The following ARHGAP42 variants were observed in gnomAD, a reference collection of about 807,000 sequenced individuals.
ARHGAP42 encodes rho GTPase-activating protein 42.
In ARHGAP42, 63 loss-of-function variants were observed where a neutral mutation model predicts 125.0. That is an observed-to-expected ratio of 0.50 (90% CI 0.41 to 0.62). The LOEUF (loss-of-function observed/expected upper bound fraction) is 0.62. ARHGAP42 is among the 20% of genes least tolerant of loss of function. The pLI is 0.00. For synonymous variants in ARHGAP42, 339 were observed against 351.0 expected (o/e 0.97, Z 0.38); for missense variants, 766 against 1,024.2 (o/e 0.75, Z 3.44).
intron 3 of ARHGAP42, among the ~76,000 whole-genome samples, chr11:100,837,666 CTTTTTTTTTTTTTTTTT>C (rs373059302): frequency 3.3e-5 from 2 of 61,042 alleles, no homozygotes; most frequent in African/African-American, 7.1e-5. Flanking sequence ...AGGTGTCATC[CTTTTTTTTTTTTTTTTT>C]TTTTTTTTTT....
chr11:100,956,549 T>C (rs1226120453), intron 12 of ARHGAP42, among the ~76,000 whole-genome samples: 1 of 151,486 alleles, frequency 6.6e-6, no homozygotes, highest in Non-Finnish European at 1.5e-5. Flanking sequence ...CATATTTCAT[T>C]GTTAATGTGT....
intron 3 of ARHGAP42, among the ~76,000 whole-genome samples, chr11:100,795,875 T>C (rs1353971105): frequency 6.6e-6 from 1 of 152,198 alleles, no homozygotes; most frequent in African/African-American, 2.4e-5. Flanking sequence ...TTGATGGTGA[T>C]AACGATGCTG....
At chr11:100,743,542 C>G (rs1238660886) in intron 1 of ARHGAP42, among the ~76,000 whole-genome samples, 1 of 152,064 alleles carries the variant, frequency 6.6e-6, no homozygotes, top group Non-Finnish European at 1.5e-5. Flanking sequence ...GACTATATGC[C>G]TTGGTGAAGT....
At chr11:100,732,977 CTTG>C (rs1861987049) in intron 1 of ARHGAP42, among the ~76,000 whole-genome samples, 1 of 152,216 alleles carries the variant, frequency 6.6e-6, no homozygotes, top group Non-Finnish European at 1.5e-5. Context: ...GTCAGATTAA[CTTG>C]TTAACACACT....
intron 12 of ARHGAP42, 143 bp downstream of exon 12, chr11:100,950,099 T>C (rs1176847826): frequency 5.1e-6 from 2 of 395,388 alleles, no homozygotes; most frequent in Non-Finnish European, 8.6e-6. Flanking sequence ...TTATTTAAAA[T>C]GTTTCTCATG....
intron 3 of ARHGAP42, among the ~76,000 whole-genome samples, chr11:100,843,678 A>T (rs890288739): frequency 2.0e-5 from 3 of 152,164 alleles, no homozygotes; most frequent in Non-Finnish European, 1.5e-5. Flanking sequence ...CTGAGCATCA[A>T]ATCAAGAACT....
chr11:100,893,212 CTTTT>C (rs909921149), intron 4 of ARHGAP42, among the ~76,000 whole-genome samples: 5 of 145,212 alleles, frequency 3.4e-5, no homozygotes, highest in African/African-American at 1.3e-4. Flanking sequence ...TGAATTTGGG[CTTTT>C]TTGAGTCTCA....
chr11:100,973,168 T>C lies in ARHGAP42; in HGVS notation c.1551-7T>C, dbSNP rs751281958. The C allele has an allele frequency of 2.0e-6, 3 of 1,500,988 alleles. No homozygotes were observed. The highest frequency in any genetic ancestry group is 2.7e-6 in the Non-Finnish European group (3 of 1,122,904). The allele number at this position is 1,500,988 out of a possible 1,614,324, so 93.0% of individuals were successfully genotyped here. On this transcript the variant is annotated splice_region_variant and splice_polypyrimidine_tract_variant and intron_variant, in intron 17 of 23. Coordinates refer to ENST00000298815, the MANE Select transcript of ARHGAP42 (RefSeq NM_152432.4). Reference sequence around the variant, plus strand: ...CTTAAGATATTTTTGTTGCTTTTTATTTGCAGAGTATCACTACACAGCCAA... The same window carrying C: ...CTTAAGATATTTTTGTTGCTTTTTACTTGCAGAGTATCACTACACAGCCAA...
At chr11:100,792,752 C>CTT (rs3063409) in intron 2 of ARHGAP42, among the ~76,000 whole-genome samples, 10 of 141,586 alleles carry the variant, frequency 7.1e-5, no homozygotes, top group African/African-American at 1.6e-4. Flanking sequence ...TTGGAATTTT[C>CTT]TTTTTTTTTT....
intron 22 of ARHGAP42, among the ~76,000 whole-genome samples, chr11:100,980,578 T>C (rs1210474535): frequency 1.6e-5 from 2 of 123,268 alleles, no homozygotes; most frequent in Non-Finnish European, 3.4e-5. Flanking sequence ...TTTTTTTTTT[T>C]TTTTTTTTTT....
intron 4 of ARHGAP42, among the ~76,000 whole-genome samples, chr11:100,905,277 A>G (rs1405243586): frequency 6.6e-6 from 1 of 152,224 alleles, no homozygotes; most frequent in Non-Finnish European, 1.5e-5. Flanking sequence ...AAAATTTACA[A>G]GTATTTGCCT....
chr11:100,736,119 A>G (rs1017215652), intron 1 of ARHGAP42, among the ~76,000 whole-genome samples: 10 of 152,206 alleles, frequency 6.6e-5, no homozygotes, highest in Non-Finnish European at 1.5e-4. Flanking sequence ...GAGTAGGGCA[A>G]TGGGAGATGA....
chr11:100,953,484 G>A (rs1857718968), intron 12 of ARHGAP42, among the ~76,000 whole-genome samples: 1 of 152,162 alleles, frequency 6.6e-6, no homozygotes, highest in Non-Finnish European at 1.5e-5. Flanking sequence ...AATCCTACAA[G>A]CAACAGTGTG....
intron 1 of ARHGAP42, among the ~76,000 whole-genome samples, chr11:100,752,192 G>T (rs896283053): frequency 1.3e-5 from 2 of 152,184 alleles, no homozygotes; most frequent in African/African-American, 2.4e-5. Flanking sequence ...CTCTGGGGAT[G>T]TAGTCAACCT....
intron 22 of ARHGAP42, among the ~76,000 whole-genome samples, chr11:100,980,559 CTTTTTTTTTTTTTTTTTTTT>C (rs763302463): frequency 1.9e-5 from 1 of 51,962 alleles, no homozygotes; most frequent in South Asian, 1.1e-3. Flanking sequence ...TTTTCTTCTT[CTTTTTTTTTTTTTTTTTTTT>C]TTTTTTTTTT....
At chr11:100,778,143 A>C (rs1322857376) in intron 2 of ARHGAP42, among the ~76,000 whole-genome samples, 1 of 152,042 alleles carries the variant, frequency 6.6e-6, no homozygotes, top group East Asian at 1.9e-4. Context: ...ACTGTACTGC[A>C]GCCTGGGTAA....
intron 2 of ARHGAP42, among the ~76,000 whole-genome samples, chr11:100,777,432 C>G (rs1197459196): frequency 6.6e-6 from 1 of 152,164 alleles, no homozygotes; most frequent in African/African-American, 2.4e-5. Context: ...GTTGGAAAAT[C>G]TCATTCAGTT....
At chr11:100,946,851 G>A (rs889867602) in intron 10 of ARHGAP42, among the ~76,000 whole-genome samples, 1 of 151,972 alleles carries the variant, frequency 6.6e-6, no homozygotes, top group Admixed American at 6.6e-5. Context: ...GAAAAATGGT[G>A]CTGATAGACA....
chr11:100,976,339 T>C lies in ARHGAP42; in HGVS notation c.2138T>C (p.Val713Ala), dbSNP rs897327695. The C allele has an allele frequency of 3.2e-6, 5 of 1,551,404 alleles. No homozygotes were observed. The African/African-American group carries it at 4.1e-5, about 13-fold the overall frequency. ...GCTTCAGTCACTAGCCCAGGAGACGTTTCCCCACCCATAGACCTAGTCAAG... is the reference window on the plus strand; with the variant it reads ...GCTTCAGTCACTAGCCCAGGAGACGCTTCCCCACCCATAGACCTAGTCAAG... ...SVASVTSPGD[V>A]SPPIDLVKKE... is the part of the protein sequence containing the mutation. The change falls in exon 20 of 24, where the codon GTT becomes GCT. Residue 713 changes from valine to alanine, a missense_variant. Physicochemically the swap from Val to Ala is moderately conservative, Grantham distance 64. Around this residue, in one of 3 missense-constraint regions of ARHGAP42, gnomAD observed 308 missense variants for 369.7 expected, o/e 0.83. Coordinates refer to ENST00000298815, the MANE Select transcript of ARHGAP42 (RefSeq NM_152432.4).
Sources: gnomAD v4.1 joint callset for allele counts (sites outside exome capture counted in the v4.1 genomes callset) on GRCh38, gnomAD v4.1.1 for gene constraint, gnomAD v4.1.1 regional missense constraint, MANE v1.5 for transcripts, NCBI Gene and HGNC (gene_info 2026-07-23, HGNC 2026-07-21) for gene names.